Variants in NRG3 observed in about 807,000 individuals in gnomAD.
The protein encoded by NRG3 is neuregulin 3, also known as pro-neuregulin-3, membrane-bound isoform.
In NRG3, 31 loss-of-function variants were observed where a neutral mutation model predicts 66.9. The observed-to-expected ratio is 0.46, with a 90% CI of 0.35 to 0.63. The LOEUF (loss-of-function observed/expected upper bound fraction) is 0.63, where lower values mean the gene tolerates loss of function less well. Among genes scored for constraint, NRG3 ranks in the 20% least tolerant of loss-of-function variants. The probability of loss-of-function intolerance (pLI) is 0.00; values close to 1 mark genes in which losing one functional copy is unlikely to be tolerated. For missense variants in NRG3, 910 were observed against 878.9 expected (o/e 1.04, Z -0.45); for synonymous variants, 393 against 359.4 (o/e 1.09, Z -1.06).
rs79724273 is a variant in NRG3 at position 82,035,285 on chromosome 10, G to A, written c.823+159122G>A. 1.2e-4 allele frequency among the ~76,000 whole-genome samples: 18 copies of A among 152,178 alleles called. 1 individual carries two copies. The East Asian group carries it at 3.1e-3, about 26-fold the overall frequency. On this transcript the variant is annotated intron_variant, in intron 1 of 8. Transcript: ENST00000372141. ...TGCTTGTGGTATCAGTAAAACATACGAAAACATGGATTTATTTTAACTCCC... is the reference window on the plus strand; with the variant it reads ...TGCTTGTGGTATCAGTAAAACATACAAAAACATGGATTTATTTTAACTCCC...
chr10:82,892,041 T>C (rs1174302732), intron 4 of NRG3, among the ~76,000 whole-genome samples: 1 of 152,192 alleles, frequency 6.6e-6, no homozygotes, highest in Non-Finnish European at 1.5e-5. Flanking sequence ...TTTGTTATTG[T>C]AATAGTAAAA....
intron 4 of NRG3, among the ~76,000 whole-genome samples, chr10:82,881,237 G>A (rs1476647801): frequency 6.6e-6 from 1 of 152,228 alleles, no homozygotes; most frequent in Non-Finnish European, 1.5e-5. Flanking sequence ...CCTATTGTGA[G>A]TGAAATAGAT....
At chr10:82,078,470 C>T (rs1217615629) in intron 1 of NRG3, among the ~76,000 whole-genome samples, 1 of 152,208 alleles carries the variant, frequency 6.6e-6, no homozygotes, top group Non-Finnish European at 1.5e-5. Context: ...CCTGCCTCAG[C>T]CTCCCGAGTA....
At chr10:82,134,563 G>A (rs1186111932) in intron 1 of NRG3, among the ~76,000 whole-genome samples, 1 of 151,834 alleles carries the variant, frequency 6.6e-6, no homozygotes, top group Non-Finnish European at 1.5e-5. Flanking sequence ...AAGATCAGGT[G>A]GTCATAAATG....
intron 1 of NRG3, among the ~76,000 whole-genome samples, chr10:82,245,537 T>C (rs1477318862): frequency 1.3e-5 from 2 of 152,206 alleles, no homozygotes; most frequent in African/African-American, 4.8e-5. Context: ...ATTTAAATCT[T>C]GGATTTATTC....
rs555547040 is a variant in NRG3, at chr10:81,971,023, C to T, written c.823+94860C>T. ...GGCATGGTGGTGGGCCCCTGTAATTCCAGCCACTTGGTAGGCTGAGATAGG... is the reference window on the plus strand; with the variant it reads ...GGCATGGTGGTGGGCCCCTGTAATTTCAGCCACTTGGTAGGCTGAGATAGG... On this transcript the variant is annotated intron_variant, in intron 1 of 8. Transcript: ENST00000372141. 2.6e-5 allele frequency among the ~76,000 whole-genome samples: 4 copies of T among 152,232 alleles called. No individual in the cohort carries two copies. In the East Asian group the frequency reaches 7.7e-4, roughly 29 times the overall value.
At chr10:82,230,357 T>C (rs1411601326) in intron 1 of NRG3, 1 of 152,136 alleles carries the variant, frequency 6.6e-6, no homozygotes, top group Non-Finnish European at 1.5e-5. Flanking sequence ...AGGGAATCTT[T>C]TGGGGAGTCT....
At chr10:82,065,791 A>G (rs1409481358) in intron 1 of NRG3, among the ~76,000 whole-genome samples, 1 of 152,298 alleles carries the variant, frequency 6.6e-6, no homozygotes, top group Non-Finnish European at 1.5e-5. Flanking sequence ...GGATTTTTAG[A>G]TGCAATAACC....
intron 1 of NRG3, among the ~76,000 whole-genome samples, chr10:82,019,853 G>T (rs10884044): frequency 2.0e-5 from 3 of 151,672 alleles, no homozygotes; most frequent in Non-Finnish European, 4.4e-5. Flanking sequence ...TCTTGCTAGC[G>T]GTCTATCAAT....
intron 2 of NRG3, among the ~76,000 whole-genome samples, chr10:82,412,974 A>T (rs1193069733): frequency 6.6e-6 from 1 of 152,136 alleles, no homozygotes; most frequent in Non-Finnish European, 1.5e-5. Context: ...TTTTCACTAC[A>T]TCTGCAGTTA....
Position 82,420,802 on chromosome 10 carries a change from G to A in NRG3, c.953+61934G>A, listed in dbSNP as rs1291243467. Among the ~76,000 whole-genome samples the A allele has an allele frequency of 2.0e-5, 3 of 152,034 alleles. No homozygotes were observed. In the East Asian group the frequency reaches 5.8e-4, roughly 29 times the overall value. On this transcript the variant is annotated intron_variant, in intron 2 of 8. Coordinates refer to ENST00000372141, the MANE Select transcript of NRG3 (RefSeq NM_001010848.4). ...AGTGGGAGAATGGACAAAAACTATG[G>A]TATATGCATAAAATGGACAATAAAA... is the stretch of plus-strand genomic sequence containing the variant.
intron 1 of NRG3, among the ~76,000 whole-genome samples, chr10:82,261,283 C>G (rs911935659): frequency 6.6e-6 from 1 of 152,182 alleles, no homozygotes; most frequent in African/African-American, 2.4e-5. Flanking sequence ...CTCATTCACT[C>G]TCCTGTCTCC....
intron 2 of NRG3, among the ~76,000 whole-genome samples, chr10:82,374,325 A>G (rs983413033): frequency 6.6e-6 from 1 of 152,138 alleles, no homozygotes; most frequent in African/African-American, 2.4e-5. Flanking sequence ...TTCCTCAAAG[A>G]CGCCCACCAG....
chr10:82,915,611 T>C (rs1416297463), intron 4 of NRG3, among the ~76,000 whole-genome samples: 3 of 150,148 alleles, frequency 2.0e-5, no homozygotes, highest in Non-Finnish European at 3.0e-5. Flanking sequence ...TACAATTGAG[T>C]GAATTCTTTT....
intron 2 of NRG3, among the ~76,000 whole-genome samples, chr10:82,401,331 T>C (rs1006501366): frequency 2.6e-5 from 4 of 152,048 alleles, no homozygotes; most frequent in African/African-American, 9.7e-5. Flanking sequence ...CTATATATAA[T>C]GTATGTATAT....
chr10:82,120,235 A>C (rs2067997385), intron 1 of NRG3, among the ~76,000 whole-genome samples: 1 of 151,934 alleles, frequency 6.6e-6, no homozygotes, highest in Admixed American at 6.6e-5. Flanking sequence ...CTAAATATAC[A>C]CCCAGGTCCT....
intron 1 of NRG3, among the ~76,000 whole-genome samples, chr10:81,932,589 C>T (rs1378521169): frequency 1.3e-5 from 2 of 152,168 alleles, no homozygotes; most frequent in African/African-American, 4.8e-5. Context: ...ACTCATGCAT[C>T]ATCCCTCTGA....
At chr10:82,490,197 C>G (rs962235786) in intron 2 of NRG3, among the ~76,000 whole-genome samples, 1 of 152,178 alleles carries the variant, frequency 6.6e-6, no homozygotes, top group East Asian at 1.9e-4. Flanking sequence ...TGCTGCAAAA[C>G]TCTTTTAAGA....
At chr10:82,452,362 A>G (rs1473012529) in intron 2 of NRG3, among the ~76,000 whole-genome samples, 2 of 152,198 alleles carry the variant, frequency 1.3e-5, no homozygotes, top group African/African-American at 4.8e-5. Flanking sequence ...TCAGAACTCC[A>G]TGAGCTTTCA....
Sources: allele counts gnomAD v4.1 joint callset (sites outside exome capture counted in the v4.1 genomes callset), GRCh38; gene constraint gnomAD v4.1.1; transcripts MANE v1.5; gene names NCBI Gene and HGNC (gene_info 2026-07-23, HGNC 2026-07-21).